The following PRORP variants were observed in gnomAD, a reference collection of about 807,000 sequenced individuals.
PRORP encodes the protein mitochondrial ribonuclease P catalytic subunit.
A neutral mutation model predicts 59.4 loss-of-function variants in PRORP; 51 were observed. The observed-to-expected ratio is 0.86, with a 90% CI of 0.69 to 1.08. The LOEUF is 1.08. PRORP is among the 50% of genes least tolerant of loss of function. PRORP has a pLI of 0.00. For synonymous variants in PRORP, 231 were observed against 245.6 expected, an observed-to-expected ratio of 0.94 and a Z score of 0.55; for missense variants, 646 against 690.3, an observed-to-expected ratio of 0.94 and a Z score of 0.72.
intron 4 of PRORP, among the ~76,000 whole-genome samples, chr14:35,141,834 A>G (rs1416680226): frequency 7.0e-6 from 1 of 143,822 alleles, no homozygotes; most frequent in African/African-American, 2.5e-5. Context: ...CTCCCACCTC[A>G]GCCTCATGAG....
intron 5 of PRORP, among the ~76,000 whole-genome samples, chr14:35,243,581 TA>T (rs2050415726): frequency 6.6e-6 from 1 of 151,896 alleles, no homozygotes; most frequent in Non-Finnish European, 1.5e-5. Context: ...GGGAATGTTT[TA>T]AAAAGAAAGG....
chr14:35,137,329 A>G (rs1238048081), intron 4 of PRORP, among the ~76,000 whole-genome samples: 1 of 145,282 alleles, frequency 6.9e-6, no homozygotes, highest in Non-Finnish European at 1.5e-5. Flanking sequence ...TTGCTGAGTA[A>G]AAGTAGCAGG....
chr14:35,163,184 A>G (rs575024416), intron 4 of PRORP, among the ~76,000 whole-genome samples: 1 of 152,268 alleles, frequency 6.6e-6, no homozygotes, highest in Non-Finnish European at 1.5e-5. Flanking sequence ...TATATATGTG[A>G]CAGAGTCCTA....
intron 4 of PRORP, among the ~76,000 whole-genome samples, chr14:35,128,643 A>G (rs2047157219): frequency 6.6e-6 from 1 of 152,126 alleles, no homozygotes; most frequent in African/African-American, 2.4e-5. Context: ...CATAGTAGCC[A>G]CTAATGATCC....
chr14:35,250,450 A>G (rs1355796113), intron 5 of PRORP, among the ~76,000 whole-genome samples: 2 of 152,194 alleles, frequency 1.3e-5, no homozygotes, highest in East Asian at 3.8e-4. Flanking sequence ...CGGTTCCTGA[A>G]GAGCTGTTTA....
chr14:35,224,063 C>A (rs1227962321), intron 5 of PRORP, among the ~76,000 whole-genome samples: 1 of 152,126 alleles, frequency 6.6e-6, no homozygotes, highest in African/African-American at 2.4e-5. Flanking sequence ...AAAGGCATGG[C>A]AGACCTGGAG....
chr14:35,221,955 CTA>C (rs1394540339), intron 5 of PRORP, among the ~76,000 whole-genome samples: 1 of 152,112 alleles, frequency 6.6e-6, no homozygotes, highest in African/African-American at 2.4e-5. Flanking sequence ...TCGGAAGTAA[CTA>C]TTTTTTTCAG....
chr14:35,169,814 C>T (rs577142417), intron 4 of PRORP, among the ~76,000 whole-genome samples: 26 of 152,328 alleles, frequency 1.7e-4, no homozygotes, highest in African/African-American at 6.0e-4. Context: ...AAAAGGAATA[C>T]GTAGTCTGCT....
chr14:35,171,776 C>T (rs753426243), intron 4 of PRORP, among the ~76,000 whole-genome samples: 1 of 152,106 alleles, frequency 6.6e-6, no homozygotes, highest in Admixed American at 6.6e-5. Flanking sequence ...ACTGTAATTA[C>T]ACATGTTAAT....
At chr14:35,209,548 T>TTTTTG (rs1295083527) in intron 5 of PRORP, among the ~76,000 whole-genome samples, 88 of 152,314 alleles carry the variant, frequency 5.8e-4, no homozygotes, top group African/African-American at 1.9e-3. Context: ...TCTTGATTTC[T>TTTTTG]TTTTGTTTTG....
chr14:35,129,215 A>C (rs950198464), intron 4 of PRORP, among the ~76,000 whole-genome samples: 1 of 152,086 alleles, frequency 6.6e-6, no homozygotes, highest in Non-Finnish European at 1.5e-5. Context: ...TCTCAAAAAA[A>C]AAAGATGCAT....
chr14:35,229,753 AG>A (rs1243677448), intron 5 of PRORP, among the ~76,000 whole-genome samples: 1 of 152,176 alleles, frequency 6.6e-6, no homozygotes, highest in African/African-American at 2.4e-5. Context: ...TTAATGAGAA[AG>A]GCTTAATTGA....
At chr14:35,224,564 A>C (rs946239401) in intron 5 of PRORP, among the ~76,000 whole-genome samples, 2 of 152,246 alleles carry the variant, frequency 1.3e-5, no homozygotes, top group Admixed American at 6.5e-5. Flanking sequence ...ACCTGGCACC[A>C]GAGTCTATGC....
At chr14:35,269,212 G>A (rs953158826) in intron 6 of PRORP, among the ~76,000 whole-genome samples, 1 of 152,132 alleles carries the variant, frequency 6.6e-6, no homozygotes, top group African/African-American at 2.4e-5. Flanking sequence ...GATAATATGT[G>A]TAAATAACTC....
chr14:35,142,178 C>A (rs531359520), intron 4 of PRORP, among the ~76,000 whole-genome samples: 1 of 143,340 alleles, frequency 7.0e-6, no homozygotes, highest in African/African-American at 2.5e-5. Context: ...CGCGCCCAGC[C>A]TTAATTTATT....
At chr14:35,143,180 T>G (rs940353921) in intron 4 of PRORP, among the ~76,000 whole-genome samples, 5 of 146,014 alleles carry the variant, frequency 3.4e-5, no homozygotes, top group African/African-American at 7.3e-5. Context: ...AGCGAGACAG[T>G]CTCTCTCTGT....
chr14:35,189,013 A>C (rs963519656), intron 5 of PRORP, among the ~76,000 whole-genome samples: 1 of 150,428 alleles, frequency 6.6e-6, no homozygotes, highest in Non-Finnish European at 1.5e-5. Context: ...GTTTCTTCTA[A>C]GAGTTTTATA....
chr14:35,229,704 T>G (rs1407556762), intron 5 of PRORP, among the ~76,000 whole-genome samples: 1 of 152,100 alleles, frequency 6.6e-6, no homozygotes, highest in African/African-American at 2.4e-5. Context: ...AAAATGTAAG[T>G]TTAGAAAGAG....
At chr14:35,122,157 G>A (rs1291742605), upstream of PRORP, 1 of 582,996 alleles carries the variant, frequency 1.7e-6, no homozygotes, top group African/African-American at 1.9e-5. Context: ...CTACCACGCT[G>A]ACTGGGGGAA....
Sources: gnomAD v4.1 joint callset for allele counts (sites outside exome capture counted in the v4.1 genomes callset) on GRCh38, gnomAD v4.1.1 for gene constraint, MANE v1.5 for transcripts, NCBI Gene and HGNC (gene_info 2026-07-23, HGNC 2026-07-21) for gene names.